Variants in ACBD5 observed in about 807,000 individuals in gnomAD.
The protein encoded by ACBD5 is acyl-CoA-binding domain-containing protein 5.
A neutral mutation model predicts 71.8 loss-of-function variants in ACBD5; 40 were observed. The observed-to-expected ratio is 0.56, with a 90% confidence interval of 0.43 to 0.72. The LOEUF (loss-of-function observed/expected upper bound fraction) is 0.72. Among genes scored for constraint, ACBD5 ranks in the 30% least tolerant of loss-of-function variants. ACBD5 has a pLI of 0.00. For missense variants in ACBD5, 559 were observed against 644.5 expected, an observed-to-expected ratio of 0.87 and a Z score of 1.44; for synonymous variants, 229 against 218.6, an observed-to-expected ratio of 1.05 and a Z score of -0.42.
chr10:27,211,309 A>G (rs544526690), intron 8 of ACBD5, among the ~76,000 whole-genome samples: 1 of 152,108 alleles, frequency 6.6e-6, no homozygotes, highest in Non-Finnish European at 1.5e-5. Flanking sequence ...AAGCTTGGGT[A>G]GTAAATTGTT....
intron 2 of ACBD5, among the ~76,000 whole-genome samples, chr10:27,235,544 G>A (rs2064548275): frequency 6.6e-6 from 1 of 152,134 alleles, no homozygotes; most frequent in Admixed American, 6.5e-5. Context: ...CTATTATTAA[G>A]CAATCGTAAT....
At chr10:27,226,676 G>C (rs1381356586) in intron 4 of ACBD5, among the ~76,000 whole-genome samples, 2 of 150,416 alleles carry the variant, frequency 1.3e-5, no homozygotes, top group African/African-American at 4.9e-5. Context: ...TTTTGCGACA[G>C]CGTCTCACTC....
At position 27,210,780 on chromosome 10, in the gene ACBD5, A is replaced by G. The variant is rs76818131; in HGVS notation, c.1204+34T>C. ...ATCTCAAAAATAAGTAAGTAAATCAATAAAGGTGAGGGAAGAAAAAAGGTA... is the reference window on the plus strand; with the variant it reads ...ATCTCAAAAATAAGTAAGTAAATCAGTAAAGGTGAGGGAAGAAAAAAGGTA... On this transcript the variant is annotated intron_variant, in intron 9 of 12. Coordinates refer to ENST00000396271, the MANE Select transcript of ACBD5 (RefSeq NM_145698.5). 52,375 of 1,613,364 alleles carry G rather than the reference A, an allele frequency of 0.032. 1,636 individuals carry two copies. The highest frequency in any genetic ancestry group is 0.16 in the African/African-American group (11,823 of 74,926).
chr10:27,225,594 C>T (rs977200072), intron 4 of ACBD5, among the ~76,000 whole-genome samples: 6 of 152,132 alleles, frequency 3.9e-5, no homozygotes, highest in Non-Finnish European at 5.9e-5. Flanking sequence ...CTAAAGGAAA[C>T]ATTTGTTATG....
upstream of ACBD5, chr10:27,240,946 G>T (rs914454409): frequency 2.9e-4 from 176 of 599,402 alleles, no homozygotes; most frequent in Non-Finnish European, 1.5e-4. The surrounding 1 kb of genome is among the most constrained non-coding windows in gnomAD (Gnocchi z 4.1). Context: ...CCCCAGAGGA[G>T]GGTCCGGGAA....
intron 4 of ACBD5, among the ~76,000 whole-genome samples, chr10:27,227,009 A>ATTTTTTTTTTTTTTTTTTTTTTTTTTT (rs56406048): frequency 1.3e-5 from 1 of 78,392 alleles, no homozygotes; most frequent in Non-Finnish European, 2.2e-5. Context: ...TTTTTTTGCG[A>ATTTTTTTTTTTTTTTTTTTTTTTTTTT]TTTTTTTTTT....
chr10:27,186,819 G>A (rs2058787017), intron 13 of ACBD5: 1 of 409,124 alleles, frequency 2.4e-6, no homozygotes, highest in Non-Finnish European at 4.5e-6. Flanking sequence ...AAAATTAGAG[G>A]ACACTATTGA....
In ACBD5 at chr10:27,210,960, T is replaced by C; in HGVS notation, c.1058A>G (p.Asn353Ser). Residue 353 changes from asparagine to serine, a missense_variant, in exon 9 of 13, where the codon AAC becomes AGC. Asn to Ser is a conservative substitution (Grantham distance 46). Transcript: ENST00000396271. ...TGCAACCACCTGCATATTCCCAATG[T>C]TGCCATTTCCAGGAGGTACTTGAAT... ...EDIQVPPGNG[N>S]IGNMQVVAVE... 1 of 1,614,206 alleles carries C rather than the reference T, an allele frequency of 6.2e-7. No homozygotes were observed. The highest frequency in any genetic ancestry group is 8.5e-7 in the Non-Finnish European group (1 of 1,180,030).
chr10:27,215,182 A>G (rs956387734), intron 8 of ACBD5, among the ~76,000 whole-genome samples: 5 of 152,052 alleles, frequency 3.3e-5, no homozygotes, highest in African/African-American at 1.2e-4. Flanking sequence ...AAAAAAAACA[A>G]CAAAGAAGAT....
chr10:27,203,584 C>T (rs781546473), intron 12 of ACBD5, among the ~76,000 whole-genome samples: 2 of 151,902 alleles, frequency 1.3e-5, no homozygotes, highest in African/African-American at 4.8e-5. Context: ...ACTAAAAATA[C>T]AAAAATTAGC....
chr10:27,201,106 T>TG (rs1331280153), intron 12 of ACBD5, among the ~76,000 whole-genome samples: 6 of 152,180 alleles, frequency 3.9e-5, no homozygotes, highest in Non-Finnish European at 2.9e-5. Flanking sequence ...GAGGCTGCAA[T>TG]GACCTCTGAT....
intron 5 of ACBD5, 80 bp downstream of exon 5, chr10:27,223,257 GA>G (rs1224796306): frequency 8.3e-6 from 9 of 1,085,990 alleles, no homozygotes; most frequent in Non-Finnish European, 1.3e-5. Context: ...GTGAAAGTAA[GA>G]AAAAAAATCA....
In ACBD5 at chr10:27,223,943, T is replaced by TA. The variant is rs559837804; in HGVS notation, c.376-492dup. Among the ~76,000 whole-genome samples the TA allele has an allele frequency of 6.5e-3, 983 of 151,908 alleles. 9 individuals carry two copies. Among genetic ancestry groups the TA allele is most frequent in the African/African-American group, 0.023 (955 of 41,398 alleles). On this transcript the variant is annotated intron_variant, in intron 4 of 12. Transcript: ENST00000396271. ...AAAAAATAAAATAAAAGGAATCCTT[T>TA]AAAAAAAGTATATACACTCCTAGAA... is the stretch of plus-strand genomic sequence containing the variant.
chr10:27,206,218 G>C (rs2060453559), intron 10 of ACBD5, among the ~76,000 whole-genome samples: 1 of 151,458 alleles, frequency 6.6e-6, no homozygotes, highest in African/African-American at 2.4e-5. Context: ...TTCTATCACA[G>C]TGAAAAAAGT....
chr10:27,218,146 A>AT lies in ACBD5; in HGVS notation c.662dup (p.Asn221LysfsTer8). The AT allele has an allele frequency of 6.2e-7, 1 of 1,614,090 alleles. No homozygotes were observed. The highest frequency in any genetic ancestry group is 2.2e-5 in the East Asian group (1 of 44,868). On this transcript the variant is annotated frameshift_variant, in exon 7 of 13. Coordinates refer to ENST00000396271, the MANE Select transcript of ACBD5 (RefSeq NM_145698.5). LOFTEE classifies it high-confidence loss of function. ...AGCCATTAGTGACAATGACTTCCAA[A>AT]TTCTTATGGTCTGCTGACTTCTTCA...
intron 5 of ACBD5, among the ~76,000 whole-genome samples, chr10:27,222,456 G>C (rs2062475513): frequency 6.6e-6 from 1 of 150,450 alleles, no homozygotes; most frequent in Non-Finnish European, 1.5e-5. Flanking sequence ...AGAGATGCTT[G>C]AACCAAAATA....
intron 12 of ACBD5, among the ~76,000 whole-genome samples, chr10:27,201,049 G>A (rs1011774507): frequency 6.6e-6 from 1 of 152,144 alleles, no homozygotes; most frequent in African/African-American, 2.4e-5. Flanking sequence ...TATAGTCCCA[G>A]CTTCTCAGGA....
At chr10:27,199,448 GTT>G (rs2136562040) in intron 12 of ACBD5, among the ~76,000 whole-genome samples, 1 of 152,222 alleles carries the variant, frequency 6.6e-6, no homozygotes, top group South Asian at 2.1e-4. Context: ...AGGTCTTTCT[GTT>G]TTGTTTTGTT....
intron 12 of ACBD5, among the ~76,000 whole-genome samples, chr10:27,203,771 A>T (rs917823213): frequency 9.2e-5 from 14 of 152,036 alleles, no homozygotes; most frequent in African/African-American, 3.4e-4. Context: ...AAAATAAATT[A>T]AAAAAATAAA....
Sources: allele counts gnomAD v4.1 joint callset (sites outside exome capture counted in the v4.1 genomes callset), GRCh38; gene constraint gnomAD v4.1.1; non-coding constraint Gnocchi (gnomAD v3.1); transcripts MANE v1.5; gene names NCBI Gene and HGNC (gene_info 2026-07-23, HGNC 2026-07-21).